Variants in ZFAT observed in about 807,000 individuals in gnomAD.
ZFAT encodes the protein zinc finger protein ZFAT.
ZFAT carries 64 observed loss-of-function variants against 117.7 expected under a neutral mutation model. The ratio of observed to expected loss-of-function variants is 0.54; its 90% confidence interval spans 0.44 to 0.67. The LOEUF (loss-of-function observed/expected upper bound fraction) is 0.67. Ranked by LOEUF, ZFAT falls within the 30% of genes least tolerant of loss-of-function variation. The pLI is 0.00. For missense variants in ZFAT, 1,433 were observed against 1,584.5 expected, an observed-to-expected ratio of 0.90 and a Z score of 1.62; for synonymous variants, 679 against 615.0, an observed-to-expected ratio of 1.10 and a Z score of -1.54.
intron 2 of ZFAT, among the ~76,000 whole-genome samples, chr8:134,657,150 T>A (rs1374967196): frequency 1.3e-5 from 2 of 152,212 alleles, no homozygotes; most frequent in Non-Finnish European, 2.9e-5. Flanking sequence ...TGTAGGCATA[T>A]TCTTTAACTT....
At chr8:134,697,654 A>G (rs1286678699) in intron 1 of ZFAT, among the ~76,000 whole-genome samples, 1 of 150,804 alleles carries the variant, frequency 6.6e-6, no homozygotes, top group African/African-American at 2.4e-5. Context: ...GTGAACCCGG[A>G]AGGCGGAGCT....
At chr8:134,658,376 A>G (rs985147586) in intron 1 of ZFAT, among the ~76,000 whole-genome samples, 6 of 151,874 alleles carry the variant, frequency 4.0e-5, no homozygotes, top group Middle Eastern at 3.4e-3. Context: ...ACTAAATCCT[A>G]CCCCTCAAAT....
intron 10 of ZFAT, among the ~76,000 whole-genome samples, chr8:134,580,226 A>G (rs1825624234): frequency 6.6e-6 from 1 of 152,222 alleles, no homozygotes. Context: ...AGGGGCAAAC[A>G]GATCCACACC....
intron 7 of ZFAT, among the ~76,000 whole-genome samples, chr8:134,597,311 A>T (rs950712494): frequency 1.3e-5 from 2 of 152,168 alleles, no homozygotes; most frequent in Non-Finnish European, 2.9e-5. Context: ...TTCATAAATC[A>T]TGCTATCTTA....
chr8:134,754,914 G>A, the ZFAT span, among the ~76,000 whole-genome samples: 7 of 152,098 alleles, frequency 4.6e-5, no homozygotes, highest in Non-Finnish European at 7.4e-5. Context: ...GCCAACACAC[G>A]CAGTCAAAGA....
At chr8:134,670,097 T>A (rs1044878789) in intron 1 of ZFAT, among the ~76,000 whole-genome samples, 2 of 151,860 alleles carry the variant, frequency 1.3e-5, no homozygotes, top group Non-Finnish European at 2.9e-5. Flanking sequence ...CCCAGATTCA[T>A]AAAGCAAGTC....
chr8:134,520,988 A>G lies in ZFAT; in HGVS notation c.3129T>C (p.Cys1043=), dbSNP rs369359254. 5.0e-6 allele frequency: 8 copies of G among 1,613,618 alleles called. No individual in the cohort carries two copies. In the African/African-American group the frequency reaches 1.1e-4, roughly 22 times the overall value. ...EVLIQQGGLK[C]PVCSFVYGTK... The stretch of plus-strand genomic sequence containing the variant: ...TGCCATATACAAAGCTGCAAACAGG[A>G]CACTTCAAACCACCTGAAAGCACAG... The change falls in exon 13 of 16, where the codon TGT becomes TGC. Residue 1043 remains cysteine (C), a synonymous_variant. Transcript: ENST00000377838.
At chr8:134,831,275 T>G in the ZFAT span, among the ~76,000 whole-genome samples, 1 of 152,236 alleles carries the variant, frequency 6.6e-6, no homozygotes, top group Non-Finnish European at 1.5e-5. Flanking sequence ...TAAATTCAGT[T>G]GTGTGTGTAC....
intron 10 of ZFAT, among the ~76,000 whole-genome samples, chr8:134,583,294 A>G (rs1319808530): frequency 1.3e-5 from 2 of 152,228 alleles, no homozygotes; most frequent in South Asian, 4.1e-4. Flanking sequence ...TCTAGCACAT[A>G]TAAGAACTCA....
intron 7 of ZFAT, among the ~76,000 whole-genome samples, chr8:134,594,029 A>G (rs543122272): frequency 6.6e-6 from 1 of 152,352 alleles, no homozygotes. Context: ...AGAGCCAGAA[A>G]CGTGCTCGAT....
the ZFAT span, among the ~76,000 whole-genome samples, chr8:134,791,075 G>A: frequency 2.0e-5 from 3 of 152,182 alleles, no homozygotes; most frequent in Admixed American, 6.5e-5. Context: ...AAGAGGCCCC[G>A]AGAACACATA....
the ZFAT span, among the ~76,000 whole-genome samples, chr8:134,736,589 T>TCTCTCTCTCC: frequency 6.6e-6 from 1 of 152,108 alleles, no homozygotes; most frequent in Non-Finnish European, 1.5e-5. Flanking sequence ...CCATTCTCTC[T>TCTCTCTCTCC]CTCTCTCTCC....
At chr8:134,829,484 AAG>A in the ZFAT span, among the ~76,000 whole-genome samples, 17 of 152,350 alleles carry the variant, frequency 1.1e-4, no homozygotes, top group East Asian at 3.1e-3. Context: ...ACTTTTGGTA[AAG>A]AGAGAACTCA....
At chr8:134,744,698 A>C in the ZFAT span, among the ~76,000 whole-genome samples, 1 of 146,600 alleles carries the variant, frequency 6.8e-6, no homozygotes, top group Admixed American at 6.8e-5. Context: ...TGTACTTCAA[A>C]TCTCTTCCTT....
Position 134,637,541 on chromosome 8 carries a change from C to T in ZFAT, c.368G>A (p.Arg123Gln), listed in dbSNP as rs374954104. 54 of 1,614,072 alleles carry T rather than the reference C, an allele frequency of 3.3e-5. No individual in the cohort carries two copies. Among genetic ancestry groups the T allele is most frequent in the Admixed American group, 1.7e-4 (10 of 60,006 alleles). ...CAGCTGGCGCGTGTTGGAGAACTTCCGACAGCACTTGCTACACTCCAAGCT... is the reference window on the plus strand; with the variant it reads ...CAGCTGGCGCGTGTTGGAGAACTTCTGACAGCACTTGCTACACTCCAAGCT... ...PSSLECSKCCRKFSNTRQLRK... is the reference protein window; with the variant it reads ...PSSLECSKCCQKFSNTRQLRK... Residue 123 changes from arginine to glutamine, a missense_variant, in exon 3 of 16, where the codon CGG becomes CAG. Coordinates refer to ENST00000377838, the MANE Select transcript of ZFAT (RefSeq NM_020863.4).
chr8:134,794,127 G>C, the ZFAT span: 2 of 152,134 alleles, frequency 1.3e-5, no homozygotes, highest in Admixed American at 1.3e-4. Context: ...CAATCCATTA[G>C]CACTTAGAGC....
At chr8:134,736,129 G>A in the ZFAT span, among the ~76,000 whole-genome samples, 1 of 152,156 alleles carries the variant, frequency 6.6e-6, no homozygotes, top group Non-Finnish European at 1.5e-5. Context: ...TCCATCAACA[G>A]CGAGATTCAG....
In ZFAT at chr8:134,546,669, T is replaced by C. The variant is rs770056017; in HGVS notation, c.2977-13697A>G. Among the ~76,000 whole-genome samples the C allele has an allele frequency of 2.0e-5, 3 of 152,210 alleles. No individual in the cohort carries two copies. In the South Asian group the frequency reaches 6.2e-4, roughly 32 times the overall value. On this transcript the variant is annotated intron_variant, in intron 11 of 15. Coordinates refer to ENST00000377838, the MANE Select transcript of ZFAT (RefSeq NM_020863.4). The stretch of plus-strand genomic sequence containing the variant: ...TGCTTCTGAGAAATATTTCCCACCA[T>C]GTACAGTGGAGAGGTCTGTGGCCTG...
chr8:134,688,378 C>T (rs998261967), intron 1 of ZFAT, among the ~76,000 whole-genome samples: 39 of 152,174 alleles, frequency 2.6e-4, no homozygotes, highest in Admixed American at 2.5e-3. Flanking sequence ...AGCACACATG[C>T]GCACACAAAC....
Sources: gnomAD v4.1 joint callset for allele counts (sites outside exome capture counted in the v4.1 genomes callset) on GRCh38, gnomAD v4.1.1 for gene constraint, MANE v1.5 for transcripts, NCBI Gene and HGNC (gene_info 2026-07-23, HGNC 2026-07-21) for gene names.